SUGCT: variants seen among roughly 807,000 people sequenced by gnomAD.
The protein encoded by SUGCT is succinyl-CoA:glutarate-CoA transferase.
A neutral mutation model predicts 55.0 loss-of-function variants in SUGCT; 41 were observed. The ratio of observed to expected loss-of-function variants is 0.74; its 90% confidence interval spans 0.58 to 0.97. The LOEUF (loss-of-function observed/expected upper bound fraction) is 0.97. Among genes scored for constraint, SUGCT ranks in the 50% least tolerant of loss-of-function variants. The probability of loss-of-function intolerance (pLI) is 0.00; values close to 1 mark genes in which losing one functional copy is unlikely to be tolerated. For missense variants in SUGCT, 568 were observed against 547.8 expected (o/e 1.04, Z -0.37); for synonymous variants, 187 against 200.4 (o/e 0.93, Z 0.56).
intron 12 of SUGCT, among the ~76,000 whole-genome samples, chr7:40,601,103 A>G (rs1156701338): frequency 6.6e-6 from 1 of 152,212 alleles, no homozygotes; most frequent in African/African-American, 2.4e-5. Context: ...GGTAGTAGGC[A>G]AACAAAATTT....
intron 10 of SUGCT, among the ~76,000 whole-genome samples, chr7:40,458,234 G>A (rs113110645): frequency 1.8e-3 from 270 of 152,296 alleles, no homozygotes; most frequent in African/African-American, 6.2e-3. Flanking sequence ...AGGCCGCATG[G>A]CCTGCCCCCA....
At chr7:40,227,767 T>C (rs968173671) in intron 6 of SUGCT, among the ~76,000 whole-genome samples, 1 of 152,152 alleles carries the variant, frequency 6.6e-6, no homozygotes, top group African/African-American at 2.4e-5. Context: ...CCAGGTGCTG[T>C]GGCTCACGTC....
chr7:40,780,374 G>A (rs1465191502), intron 13 of SUGCT, among the ~76,000 whole-genome samples: 1 of 152,166 alleles, frequency 6.6e-6, no homozygotes, highest in Non-Finnish European at 1.5e-5. Context: ...TCTCTAAAGA[G>A]TGATAGAAAT....
chr7:40,233,193 T>C (rs1341292520), intron 6 of SUGCT, among the ~76,000 whole-genome samples: 1 of 151,908 alleles, frequency 6.6e-6, no homozygotes, highest in Non-Finnish European at 1.5e-5. Context: ...TTTTGACTCC[T>C]ATTATGGAAT....
intron 9 of SUGCT, among the ~76,000 whole-genome samples, chr7:40,381,059 C>T (rs1024525504): frequency 1.3e-5 from 2 of 151,964 alleles, no homozygotes; most frequent in Non-Finnish European, 2.9e-5. Flanking sequence ...AATATCTATT[C>T]TCAGTAGGTG....
chr7:40,650,786 T>G (rs2151838829), intron 12 of SUGCT, among the ~76,000 whole-genome samples: 1 of 152,298 alleles, frequency 6.6e-6, no homozygotes, highest in Non-Finnish European at 1.5e-5. Context: ...ATGTGTGCCA[T>G]GGTGATTTGC....
At chr7:40,739,587 A>G (rs1787356495) in intron 12 of SUGCT, among the ~76,000 whole-genome samples, 1 of 152,044 alleles carries the variant, frequency 6.6e-6, no homozygotes, top group Admixed American at 6.6e-5. Flanking sequence ...ATTTTTTACA[A>G]TGTGAGCTTT....
At chr7:41,009,370 G>A in the SUGCT span, among the ~76,000 whole-genome samples, 1 of 152,308 alleles carries the variant, frequency 6.6e-6, no homozygotes, top group Non-Finnish European at 1.5e-5. Context: ...ATTAGAGGAA[G>A]GAGACTGAAC....
At chr7:40,392,604 G>A (rs934154007) in intron 9 of SUGCT, among the ~76,000 whole-genome samples, 7 of 152,180 alleles carry the variant, frequency 4.6e-5, no homozygotes, top group Admixed American at 1.3e-4. Context: ...AAAAGCTTGG[G>A]CATTATCTTG....
At chr7:40,183,364 G>A (rs1235410399) in intron 3 of SUGCT, among the ~76,000 whole-genome samples, 1 of 152,184 alleles carries the variant, frequency 6.6e-6, no homozygotes, top group Admixed American at 6.5e-5. Flanking sequence ...TTTAGAGACA[G>A]CATTTCCCTC....
intron 8 of SUGCT, among the ~76,000 whole-genome samples, chr7:40,304,305 T>A (rs1794720780): frequency 6.6e-6 from 1 of 152,094 alleles, no homozygotes; most frequent in Admixed American, 6.5e-5. Context: ...TCAACTTGTT[T>A]GCTTTTGATA....
At chr7:40,354,788 T>C (rs1797810439) in intron 9 of SUGCT, among the ~76,000 whole-genome samples, 1 of 152,142 alleles carries the variant, frequency 6.6e-6, no homozygotes, top group Non-Finnish European at 1.5e-5. Context: ...GAAAGCAAAG[T>C]AGTAGCAGGA....
intron 13 of SUGCT, among the ~76,000 whole-genome samples, chr7:40,779,353 A>G (rs1789616653): frequency 6.6e-6 from 1 of 152,208 alleles, no homozygotes; most frequent in Admixed American, 6.5e-5. Flanking sequence ...TTGTGTACAT[A>G]CTGCATTGCA....
chr7:40,352,728 G>A (rs772550678), intron 9 of SUGCT, among the ~76,000 whole-genome samples: 20 of 152,132 alleles, frequency 1.3e-4, no homozygotes, highest in Non-Finnish European at 2.2e-4. Flanking sequence ...TGAGTAATGC[G>A]ATGAACATAC....
intron 11 of SUGCT, among the ~76,000 whole-genome samples, chr7:40,491,292 G>A (rs1447977482): frequency 6.6e-6 from 1 of 152,180 alleles, no homozygotes; most frequent in Non-Finnish European, 1.5e-5. Flanking sequence ...TAGTCTGGGT[G>A]TGCGGAATCA....
chr7:40,792,304 G>A (rs962183795), intron 13 of SUGCT, among the ~76,000 whole-genome samples: 16 of 152,122 alleles, frequency 1.1e-4, no homozygotes, highest in African/African-American at 3.4e-4. Context: ...TTTTATGGGA[G>A]CAGTGTCATC....
chr7:40,954,804 T>C, the SUGCT span, among the ~76,000 whole-genome samples: 4 of 152,314 alleles, frequency 2.6e-5, no homozygotes, highest in East Asian at 7.7e-4. Flanking sequence ...CATCTTGAAT[T>C]AATTTTTGTA....
At chr7:40,472,086 C>G (rs1385723381) in intron 11 of SUGCT, among the ~76,000 whole-genome samples, 1 of 152,070 alleles carries the variant, frequency 6.6e-6, no homozygotes, top group South Asian at 2.1e-4. Flanking sequence ...CATACAGGTT[C>G]ATTCCCTGCT....
At chr7:40,365,308 A>G (rs868729642) in intron 9 of SUGCT, among the ~76,000 whole-genome samples, 2 of 151,976 alleles carry the variant, frequency 1.3e-5, no homozygotes, top group Non-Finnish European at 2.9e-5. Context: ...CCAATATCGT[A>G]CTGAATGGGC....
Sources: gnomAD v4.1 joint callset for allele counts (sites outside exome capture counted in the v4.1 genomes callset) on GRCh38, gnomAD v4.1.1 for gene constraint, MANE v1.5 for transcripts, NCBI Gene and HGNC (gene_info 2026-07-23, HGNC 2026-07-21) for gene names.